Variants in CNTNAP2 observed in about 807,000 individuals in gnomAD.
The protein encoded by CNTNAP2 is contactin-associated protein-like 2.
In CNTNAP2, 98 loss-of-function variants were observed where a neutral mutation model predicts 155.2. That is an observed-to-expected ratio of 0.63 (90% CI 0.54 to 0.75). CNTNAP2 has a LOEUF of 0.75. Among genes scored for constraint, CNTNAP2 ranks in the 30% least tolerant of loss-of-function variants. CNTNAP2 has a pLI of 0.00. For synonymous variants in CNTNAP2, 651 were observed against 631.2 expected (o/e 1.03, Z -0.47); for missense variants, 1,727 against 1,688.1 (o/e 1.02, Z -0.40).
intron 13 of CNTNAP2, among the ~76,000 whole-genome samples, chr7:147,738,339 C>CA (rs1358005617): frequency 6.6e-6 from 1 of 152,018 alleles, no homozygotes; most frequent in Non-Finnish European, 1.5e-5. Context: ...AAAATGCTTT[C>CA]AAACAGCATC....
chr7:147,513,992 A>G (rs1055202074), intron 11 of CNTNAP2, among the ~76,000 whole-genome samples: 9 of 152,340 alleles, frequency 5.9e-5, no homozygotes, highest in African/African-American at 2.2e-4. Context: ...CCAGAGGTAG[A>G]GAGCACTTTG....
intron 1 of CNTNAP2, among the ~76,000 whole-genome samples, chr7:146,492,158 T>C (rs1584949643): frequency 6.7e-6 from 1 of 149,646 alleles, no homozygotes; most frequent in East Asian, 2.0e-4. Context: ...CACACAATGG[T>C]GCACTGCCAA....
chr7:146,174,644 C>T (rs1027026144), intron 1 of CNTNAP2, among the ~76,000 whole-genome samples: 12 of 151,986 alleles, frequency 7.9e-5, no homozygotes, highest in Non-Finnish European at 1.8e-4. Context: ...TCAAGACCAG[C>T]CTGGCCAATA....
chr7:147,973,784 A>G (rs1301964666), intron 14 of CNTNAP2, among the ~76,000 whole-genome samples: 3 of 152,182 alleles, frequency 2.0e-5, no homozygotes, highest in Non-Finnish European at 2.9e-5. Flanking sequence ...GAAAAGTCCA[A>G]GGAGGGGATC....
intron 1 of CNTNAP2, among the ~76,000 whole-genome samples, chr7:146,508,550 C>A (rs1797419008): frequency 6.6e-6 from 1 of 152,210 alleles, no homozygotes; most frequent in African/African-American, 2.4e-5. Flanking sequence ...CCAGCAGCAG[C>A]ACCTGCTGTA....
intron 13 of CNTNAP2, among the ~76,000 whole-genome samples, chr7:147,676,929 A>G (rs1795877451): frequency 6.6e-6 from 1 of 151,914 alleles, no homozygotes; most frequent in Admixed American, 6.6e-5. Context: ...GGATACTTAG[A>G]TTGATTCCAT....
intron 1 of CNTNAP2, among the ~76,000 whole-genome samples, chr7:146,124,028 C>T (rs1035190492): frequency 6.6e-6 from 1 of 152,132 alleles, no homozygotes; most frequent in African/African-American, 2.4e-5. Context: ...TGTTCTCACT[C>T]ATAAGTGGGA....
At chr7:146,682,042 C>T (rs1355576928) in intron 1 of CNTNAP2, among the ~76,000 whole-genome samples, 1 of 152,098 alleles carries the variant, frequency 6.6e-6, no homozygotes, top group Non-Finnish European at 1.5e-5. Flanking sequence ...CATATATCAT[C>T]ACTTTGGTGT....
chr7:147,247,847 T>C (rs191468261), intron 8 of CNTNAP2, among the ~76,000 whole-genome samples: 2 of 152,278 alleles, frequency 1.3e-5, no homozygotes, highest in Admixed American at 1.3e-4. Context: ...GTGTTAAGCA[T>C]GCTCTAAAAC....
chr7:146,367,007 A>T lies in CNTNAP2; in HGVS notation c.97+250034A>T, dbSNP rs150728125. ...GACCATAGTTAATTTCAAAATAGAC[A>T]GTATATGAAAATAGCTGCCTTGAGA... On this transcript the variant is annotated intron_variant, in intron 1 of 23. Transcript: ENST00000361727. 3.1e-3 allele frequency among the ~76,000 whole-genome samples: 468 copies of T among 152,314 alleles called. 2 individuals are homozygous for T. The highest frequency in any genetic ancestry group is 0.011 in the African/African-American group (450 of 41,580).
chr7:147,332,273 T>G (rs1388249783), intron 9 of CNTNAP2, among the ~76,000 whole-genome samples: 15 of 152,162 alleles, frequency 9.9e-5, no homozygotes, highest in Admixed American at 9.8e-4. Context: ...GAAAAATAAT[T>G]CATTTGAAGA....
intron 14 of CNTNAP2, among the ~76,000 whole-genome samples, chr7:147,923,927 G>A (rs1035636512): frequency 7.2e-5 from 11 of 152,110 alleles, no homozygotes; most frequent in Non-Finnish European, 1.6e-4. Flanking sequence ...GTTGTTGGAA[G>A]CCACCCAGTT....
At chr7:147,572,096 C>T (rs1458529570) in intron 12 of CNTNAP2, among the ~76,000 whole-genome samples, 2 of 152,180 alleles carry the variant, frequency 1.3e-5, no homozygotes, top group African/African-American at 2.4e-5. Flanking sequence ...TTGAAAATCT[C>T]GGAACCAACT....
At chr7:148,235,133 C>T (rs1297778619) in intron 20 of CNTNAP2, among the ~76,000 whole-genome samples, 1 of 152,152 alleles carries the variant, frequency 6.6e-6, no homozygotes, top group Non-Finnish European at 1.5e-5. Flanking sequence ...AACAAATGTT[C>T]AAAAATATCA....
chr7:147,586,841 G>T (rs1296459664), intron 12 of CNTNAP2, among the ~76,000 whole-genome samples: 1 of 152,066 alleles, frequency 6.6e-6, no homozygotes. Context: ...TTCATGCAAA[G>T]ACACCATATG....
At chr7:146,810,752 G>A (rs1233841521) in intron 2 of CNTNAP2, among the ~76,000 whole-genome samples, 3 of 152,062 alleles carry the variant, frequency 2.0e-5, no homozygotes, top group African/African-American at 7.2e-5. Context: ...TCACCATTAA[G>A]AGTAATGTTA....
chr7:146,836,508 C>CT (rs1475461101), intron 2 of CNTNAP2, among the ~76,000 whole-genome samples: 2 of 152,124 alleles, frequency 1.3e-5, no homozygotes, highest in African/African-American at 4.8e-5. Context: ...GTAATACCAC[C>CT]TCATATGTAA....
At chr7:147,456,250 A>G (rs1797916437) in intron 10 of CNTNAP2, among the ~76,000 whole-genome samples, 1 of 152,128 alleles carries the variant, frequency 6.6e-6, no homozygotes, top group South Asian at 2.1e-4. Context: ...GAGATCTATG[A>G]CAAAGAAAGC....
intron 15 of CNTNAP2, among the ~76,000 whole-genome samples, chr7:148,010,661 GTT>G (rs34165242): frequency 0.28 from 41,568 of 149,020 alleles, 7,525 homozygotes; most frequent in East Asian, 0.74. Flanking sequence ...ATACATCAAG[GTT>G]TTTTTTTTTT....
Sources: gnomAD v4.1 joint callset for allele counts (sites outside exome capture counted in the v4.1 genomes callset) on GRCh38, gnomAD v4.1.1 for gene constraint, MANE v1.5 for transcripts, NCBI Gene and HGNC (gene_info 2026-07-23, HGNC 2026-07-21) for gene names.